The following INTS13 variants were observed in gnomAD, a reference collection of about 807,000 sequenced individuals.
INTS13 encodes asunder, spermatogenesis regulator homolog (Drosphila).
INTS13 carries 35 observed loss-of-function variants against 90.2 expected under a neutral mutation model. The observed-to-expected ratio is 0.39, with a 90% confidence interval of 0.30 to 0.51. The LOEUF (loss-of-function observed/expected upper bound fraction) is 0.51. INTS13 is among the 20% of genes least tolerant of loss of function. The pLI is 0.80. For missense variants in INTS13, 601 were observed against 851.2 expected (o/e 0.71, Z 3.66); for synonymous variants, 309 against 277.1 (o/e 1.11, Z -1.14).
intron 8 of INTS13, 133 bp downstream of exon 8, chr12:26,922,483 A>C (rs1937640553): frequency 1.9e-6 from 1 of 526,128 alleles, no homozygotes; most frequent in Admixed American, 3.7e-5. Flanking sequence ...TATACAGTAT[A>C]GGGTTCGAGA....
At chr12:26,933,413 C>T (rs962009908) in intron 3 of INTS13, among the ~76,000 whole-genome samples, 1 of 151,866 alleles carries the variant, frequency 6.6e-6, no homozygotes, top group African/African-American at 2.4e-5. Context: ...GCTTTCAGTG[C>T]GAAATTATAA....
At chr12:26,922,221 G>A (rs1952141242) in intron 8 of INTS13, among the ~76,000 whole-genome samples, 1 of 152,276 alleles carries the variant, frequency 6.6e-6, no homozygotes, top group South Asian at 2.1e-4. Context: ...CACAATACCT[G>A]TATCATTCAT....
chr12:26,913,518 C>T lies in INTS13; in HGVS notation c.1744G>A (p.Asp582Asn), dbSNP rs1480390039. ...KRGRKREDKEDKSEKAVKDYE... is the reference protein window; with the variant it reads ...KRGRKREDKENKSEKAVKDYE... ...TCTTTCACTGCTTTCTCTGACTTGT[C>T]CTCTTTGTCTTCCCTCTTTCTTCCT... Residue 582 changes from aspartate to asparagine, a missense_variant, in exon 14 of 17, where the codon GAC becomes AAC. By Grantham distance (23) the Asp-to-Asn change is conservative. Around this residue, in one of 3 missense-constraint regions of INTS13, gnomAD observed 228 missense variants for 272.5 expected, o/e 0.84. Coordinates refer to ENST00000261191, the MANE Select transcript of INTS13 (RefSeq NM_018164.3). The T allele has an allele frequency of 6.2e-7, 1 of 1,613,966 alleles. No homozygotes were observed. Among genetic ancestry groups the T allele is most frequent in the African/African-American group, 1.3e-5 (1 of 74,912 alleles).
intron 3 of INTS13, among the ~76,000 whole-genome samples, chr12:26,933,809 A>T (rs1938320589): frequency 6.6e-6 from 1 of 152,224 alleles, no homozygotes; most frequent in Non-Finnish European, 1.5e-5. Context: ...GTTTTGTAGA[A>T]GCATGAGAAA....
Position 26,906,373 on chromosome 12 carries a change from C to T in INTS13, c.2010G>A (p.Gln670=). The change falls in exon 16 of 17, where the codon CAG becomes CAA. Residue 670 remains glutamine (Q), a synonymous_variant. Transcript: ENST00000261191. ...RINTANSRKH[Q]EFAGRLNSVN... ...CAGAGTTCAAACGTCCAGCAAATTC[C>T]TGATGTTTTCTGGAATTGGCAGTAT... The T allele has an allele frequency of 6.2e-7, 1 of 1,612,982 alleles. No homozygotes were observed. The highest frequency in any genetic ancestry group is 8.5e-7 in the Non-Finnish European group (1 of 1,179,444).
intron 6 of INTS13, among the ~76,000 whole-genome samples, chr12:26,925,168 A>T (rs746945613): frequency 6.9e-4 from 105 of 152,124 alleles, no homozygotes; most frequent in Non-Finnish European, 1.3e-3. Context: ...TAACTACAAA[A>T]ATTCATGGAC....
chr12:26,931,137 A>AT (rs1258450576), intron 3 of INTS13, among the ~76,000 whole-genome samples: 2 of 151,426 alleles, frequency 1.3e-5, no homozygotes, highest in African/African-American at 4.9e-5. Context: ...ATAAAATTAA[A>AT]TTAAAAAAAA....
intron 14 of INTS13, among the ~76,000 whole-genome samples, chr12:26,913,095 G>C (rs889507590): frequency 3.9e-5 from 6 of 152,136 alleles, no homozygotes; most frequent in African/African-American, 1.4e-4. Context: ...GGGATCTTGT[G>C]CCAAATGCCT....
At chr12:26,924,975 A>G (rs370061978) in intron 6 of INTS13, among the ~76,000 whole-genome samples, 1 of 152,202 alleles carries the variant, frequency 6.6e-6, no homozygotes, top group Non-Finnish European at 1.5e-5. Flanking sequence ...GTACAACAAG[A>G]TAACACAAAA....
chr12:26,923,185 A>C (rs1221579456), intron 7 of INTS13, among the ~76,000 whole-genome samples: 1 of 152,194 alleles, frequency 6.6e-6, no homozygotes, highest in Admixed American at 6.5e-5. Context: ...GGAAATAGGA[A>C]TTTCAACATT....
rs1439693130 is a variant in INTS13 at position 26,928,206 on chromosome 12, G to T, written c.583C>A (p.His195Asn). The T allele has an allele frequency of 6.3e-7, 1 of 1,599,558 alleles. No individual in the cohort carries two copies. The highest frequency in any genetic ancestry group is 1.3e-5 in the African/African-American group (1 of 74,794). The change falls in exon 5 of 17, where the codon CAT becomes AAT. Residue 195 changes from histidine to asparagine, a missense_variant and splice_region_variant. Around this residue, in one of 3 missense-constraint regions of INTS13, gnomAD observed 284 missense variants for 387.7 expected, o/e 0.73. Transcript: ENST00000261191. ...ATTTCATTTATGAATTATACTCACT[G>T]ATCTGAATTTGCAGCAAGCTTGTTA... ...EHNKLAANSD[H>N]LMQIQKCELV...
chr12:26,917,564 A>G, intron 9 of INTS13, 80 bp downstream of exon 9: 1 of 1,390,408 alleles, frequency 7.2e-7, no homozygotes. Flanking sequence ...ACGAAAATGC[A>G]AAACAGAATA....
In INTS13 at chr12:26,936,764, C is replaced by G; in HGVS notation, c.40G>C (p.Val14Leu). Reference protein sequence around the residue: ...FSESHKTVFVVDHCPYMAESC... With the variant: ...FSESHKTVFVLDHCPYMAESC... ...TCTGCCATATAAGGGCAGTGATCCACAACAAACACTGTTTTATGAGATTCA... is the reference window on the plus strand; with the variant it reads ...TCTGCCATATAAGGGCAGTGATCCAGAACAAACACTGTTTTATGAGATTCA... The change falls in exon 2 of 17, where the codon GTG (valine) becomes CTG (leucine). Residue 14 changes from valine (V) to leucine (L), a missense_variant. Val to Leu is a conservative substitution (Grantham distance 32). This residue lies in a region of INTS13 where 284 missense variants were observed against 387.7 expected (regional missense o/e 0.73). Transcript: ENST00000261191. The G allele has an allele frequency of 6.2e-7, 1 of 1,614,066 alleles. No individual in the cohort carries two copies. Among genetic ancestry groups the G allele is most frequent in the Admixed American group, 1.7e-5 (1 of 60,026 alleles).
chr12:26,911,075 T>A, intron 15 of INTS13, 103 bp downstream of exon 15: 2 of 1,281,320 alleles, frequency 1.6e-6, no homozygotes, highest in Non-Finnish European at 2.1e-6. Flanking sequence ...CCTCAGGTGA[T>A]CTGCTTGCCT....
Position 26,928,888 on chromosome 12 carries a change from G to A in INTS13, c.318C>T (p.Ala106=), listed in dbSNP as rs146491093. The A allele has an allele frequency of 2.7e-5, 43 of 1,613,954 alleles. No homozygotes were observed. Among genetic ancestry groups the A allele is most frequent in the African/African-American group, 4.0e-5 (3 of 74,906 alleles). The change falls in exon 4 of 17, where the codon GCC becomes GCT. Residue 106 remains alanine, a synonymous_variant. Coordinates refer to ENST00000261191, the MANE Select transcript of INTS13 (RefSeq NM_018164.3). ...QNLQELMAAL[A]AVGPPNPRAD... Reference sequence around the variant, plus strand: ...CCCGAGGATTAGGAGGCCCAACAGCGGCTAATGCTGCCATTAGCTAAGTAA... The same window carrying A: ...CCCGAGGATTAGGAGGCCCAACAGCAGCTAATGCTGCCATTAGCTAAGTAA...
intron 2 of INTS13, among the ~76,000 whole-genome samples, chr12:26,934,848 G>A (rs1351946499): frequency 6.6e-6 from 1 of 152,186 alleles, no homozygotes; most frequent in Admixed American, 6.5e-5. Flanking sequence ...CACAATGTGG[G>A]GAAAGTCAGG....
rs764081535 is a variant in INTS13 at position 26,916,056 on chromosome 12, A to G, written c.1194T>C (p.Asp398=). 6.2e-7 allele frequency: 1 copy of G among 1,613,798 alleles called. No homozygotes were observed. Residue 398 remains aspartate, a synonymous_variant, in exon 11 of 17, where the codon GAT becomes GAC. Transcript: ENST00000261191. The stretch of plus-strand genomic sequence containing the variant: ...CACATCCTTCACTAATTGAAGGTGG[A>G]TCTTCTAGAATGGATCGAGAACTGC... The part of the protein sequence containing the change: ...VLSSSRSILE[D]PPSISEGCGG...
intron 11 of INTS13, 39 bp from the exon 12 acceptor site, chr12:26,914,617 C>T (rs1481443324): frequency 2.0e-6 from 3 of 1,510,942 alleles, no homozygotes; most frequent in Non-Finnish European, 2.7e-6. Context: ...GAAACTATGT[C>T]TAATGTTTCA....
Position 26,936,591 on chromosome 12 carries a change from A to T in INTS13, c.213T>A (p.Pro71=), listed in dbSNP as rs761833270. 1.2e-6 allele frequency: 2 copies of T among 1,607,232 alleles called. No individual in the cohort carries two copies. Among genetic ancestry groups the T allele is most frequent in the East Asian group, 4.5e-5 (2 of 44,766 alleles). Reference sequence around the variant, plus strand: ...ACTTCACACTCACCAGCTTTTTGAAAGGAAATATATCATACATTATTCTAC... The same window carrying T: ...ACTTCACACTCACCAGCTTTTTGAATGGAAATATATCATACATTATTCTAC... The part of the protein sequence containing the change: ...EYCRIMYDIF[P]FKKLVNFIVS... Residue 71 remains proline (P), a synonymous_variant, in exon 2 of 17, where the codon CCT becomes CCA. Transcript: ENST00000261191.
Sources: allele counts gnomAD v4.1 joint callset (sites outside exome capture counted in the v4.1 genomes callset), GRCh38; gene constraint gnomAD v4.1.1; regional missense constraint gnomAD v4.1.1; transcripts MANE v1.5; gene names NCBI Gene and HGNC (gene_info 2026-07-23, HGNC 2026-07-21).